EPHA2: variants seen among roughly 807,000 people sequenced by gnomAD.
The protein encoded by EPHA2 is ephrin type-A receptor 2.
EPHA2 carries 54 observed loss-of-function variants against 104.9 expected under a neutral mutation model. The ratio of observed to expected loss-of-function variants is 0.51; its 90% CI spans 0.41 to 0.65. The LOEUF (loss-of-function observed/expected upper bound fraction) is 0.65. EPHA2 is among the 30% of genes least tolerant of loss of function. The pLI, the probability that EPHA2 is intolerant of heterozygous loss-of-function variation, is 0.00. For missense variants in EPHA2, 1,117 were observed against 1,369.5 expected (o/e 0.82, Z 2.91); for synonymous variants, 560 against 559.1 (o/e 1.00, Z -0.02).
At chr1:16,139,057 C>T (rs1173832190) in intron 3 of EPHA2, among the ~76,000 whole-genome samples, 2 of 152,246 alleles carry the variant, frequency 1.3e-5, no homozygotes, top group Non-Finnish European at 2.9e-5. Flanking sequence ...TCTGGCTCTG[C>T]TTCCAGGACC....
chr1:16,126,770 T>G (rs1470061588), intron 16 of EPHA2, among the ~76,000 whole-genome samples: 1 of 152,142 alleles, frequency 6.6e-6, no homozygotes, highest in South Asian at 2.1e-4. Flanking sequence ...TGCATTTGGT[T>G]GAATCCCAGA....
intron 10 of EPHA2, 30 bp downstream of exon 10, chr1:16,133,451 C>A (rs1158677574): frequency 6.2e-7 from 1 of 1,614,096 alleles, no homozygotes. Context: ...GCTGCCTCCT[C>A]AGGGCCCCTT....
chr1:16,133,384 G>T lies in EPHA2; in HGVS notation c.1865-16C>A. On this transcript the variant is annotated splice_polypyrimidine_tract_variant and intron_variant, in intron 10 of 16. Coordinates refer to ENST00000358432, the MANE Select transcript of EPHA2 (RefSeq NM_004431.5). ...CCAAACTCTCCTGTGGGCAGACAGG[G>T]TCAGGGGAGTGCCCTGGTCAGCCCC... The T allele has an allele frequency of 6.2e-7, 1 of 1,613,822 alleles. No individual in the cohort carries two copies. The highest frequency in any genetic ancestry group is 8.5e-7 in the Non-Finnish European group (1 of 1,179,980).
In EPHA2 at chr1:16,133,163, C is replaced by G. The variant is rs371984373; in HGVS notation, c.2053+17G>C. 489 of 1,612,540 alleles carry G rather than the reference C, an allele frequency of 3.0e-4. No homozygotes were observed. The highest frequency in any genetic ancestry group is 3.8e-4 in the Admixed American group (23 of 59,976). On this transcript the variant is annotated intron_variant, in intron 11 of 16. Transcript: ENST00000358432. The stretch of plus-strand genomic sequence containing the variant: ...GTGGCCCCTCTCCACCCAGTGTGGG[C>G]AGGCCCCAAGCCTCACATTTGGAGA...
Position 16,134,042 on chromosome 1 carries a change from C to T in EPHA2, c.1683-127G>A. ...TGCTCAGAATGCGGCCCAGTCCCCGCTTTTGCTGCCCAAGCTCCACTCTCA... is the reference window on the plus strand; with the variant it reads ...TGCTCAGAATGCGGCCCAGTCCCCGTTTTTGCTGCCCAAGCTCCACTCTCA... On this transcript the variant is annotated intron_variant, in intron 8 of 16. Coordinates refer to ENST00000358432, the MANE Select transcript of EPHA2 (RefSeq NM_004431.5). The surrounding 1 kb of genome is among the most constrained non-coding windows in gnomAD (Gnocchi z 4.5). The T allele has an allele frequency of 1.1e-6, 1 of 923,430 alleles. No individual in the cohort carries two copies. The highest frequency in any genetic ancestry group is 1.7e-5 in the African/African-American group (1 of 60,116). The allele number at this position is 923,430 out of a possible 1,614,324, so 57.2% of individuals were successfully genotyped here.
At chr1:16,149,478 T>C (rs2024997527) in intron 2 of EPHA2, among the ~76,000 whole-genome samples, 1 of 152,320 alleles carries the variant, frequency 6.6e-6, no homozygotes, top group African/African-American at 2.4e-5. Context: ...AGTATGATTA[T>C]TGTTACTCTT....
At chr1:16,149,170 A>G in intron 2 of EPHA2, 123 bp from the exon 3 acceptor site, 1 of 1,079,452 alleles carries the variant, frequency 9.3e-7, no homozygotes, top group South Asian at 1.3e-5. Context: ...CGGTGAAGGA[A>G]ACTGAGGCCT....
intron 3 of EPHA2, among the ~76,000 whole-genome samples, chr1:16,141,757 C>T (rs550087779): frequency 2.0e-4 from 31 of 152,364 alleles, no homozygotes; most frequent in African/African-American, 6.0e-4. Context: ...CCCCAGCGCC[C>T]GGGGGTGGCC....
intron 9 of EPHA2, 77 bp downstream of exon 9, chr1:16,133,783 C>G: frequency 6.7e-7 from 1 of 1,496,384 alleles, no homozygotes; most frequent in South Asian, 1.3e-5. Flanking sequence ...TGGGAACACC[C>G]TGGCTGCCCC....
chr1:16,131,610 A>T lies in EPHA2; in HGVS notation c.2475+111T>A, dbSNP rs2024570584. The T allele has an allele frequency of 4.1e-6, 6 of 1,452,684 alleles. No homozygotes were observed. Among genetic ancestry groups the T allele is most frequent in the South Asian group, 1.2e-5 (1 of 80,994 alleles). The allele number at this position is 1,452,684 out of a possible 1,614,324, so 90.0% of individuals were successfully genotyped here. The stretch of plus-strand genomic sequence containing the variant: ...AAAAAAAAATAAACATTTATGGAGC[A>T]AGCCTAAGAAGGTTCATCTAAACTG... On this transcript the variant is annotated intron_variant, in intron 14 of 16. Transcript: ENST00000358432. This position sits in a 1 kb window ranked among gnomAD's most constrained non-coding sequence, Gnocchi z 5.2.
chr1:16,131,472 C>T lies in EPHA2; in HGVS notation c.2475+249G>A, dbSNP rs1039719995. ...GCGCATGCCTGTAATCCCAGCTACT[C>T]GGGAGGCTGAGGCAGGAGAATTGCT... On this transcript the variant is annotated intron_variant, in intron 14 of 16. Transcript: ENST00000358432. This position sits in a 1 kb window ranked among gnomAD's most constrained non-coding sequence, Gnocchi z 5.2. 1.3e-4 allele frequency among the ~76,000 whole-genome samples: 20 copies of T among 152,024 alleles called. No individual in the cohort carries two copies. Among genetic ancestry groups the T allele is most frequent in the Non-Finnish European group, 1.8e-4 (12 of 67,966 alleles).
intron 3 of EPHA2, among the ~76,000 whole-genome samples, chr1:16,144,781 T>C (rs765675582): frequency 1.1e-4 from 16 of 151,438 alleles, no homozygotes; most frequent in Non-Finnish European, 1.9e-4. Context: ...CAGGGGCAAC[T>C]GCCTTCCTGT....
intron 16 of EPHA2, among the ~76,000 whole-genome samples, chr1:16,127,040 T>C (rs575228569): frequency 2.0e-5 from 3 of 152,302 alleles, no homozygotes; most frequent in Admixed American, 6.5e-5. Context: ...TAGTGGTTAA[T>C]CTCACAGGAT....
At chr1:16,146,083 CTAGAGGTA>C (rs1056149124) in intron 3 of EPHA2, among the ~76,000 whole-genome samples, 1 of 152,158 alleles carries the variant, frequency 6.6e-6, no homozygotes, top group African/African-American at 2.4e-5. Flanking sequence ...TGAGAGAAGT[CTAGAGGTA>C]TAAAGAGGAG....
chr1:16,142,084 A>T (rs917406446), intron 3 of EPHA2, among the ~76,000 whole-genome samples: 10 of 152,180 alleles, frequency 6.6e-5, no homozygotes, highest in African/African-American at 2.4e-4. Context: ...ACACACCCAC[A>T]TACACCAGAT....
chr1:16,135,488 G>C lies in EPHA2; in HGVS notation c.1428+167C>G. The stretch of plus-strand genomic sequence containing the variant: ...GTCTTCTCTCGTACAAATCTCTGCT[G>C]TGCTGCCTTGGGAGATGTAACCCCC... On this transcript the variant is annotated intron_variant, in intron 6 of 16. Coordinates refer to ENST00000358432, the MANE Select transcript of EPHA2 (RefSeq NM_004431.5). This position sits in a 1 kb window ranked among gnomAD's most constrained non-coding sequence, Gnocchi z 4.3. The C allele has an allele frequency of 1.3e-6, 1 of 764,736 alleles. No individual in the cohort carries two copies. The highest frequency in any genetic ancestry group is 2.3e-6 in the Non-Finnish European group (1 of 440,914). The allele number at this position is 764,736 out of a possible 1,614,324, so 47.4% of individuals were successfully genotyped here. A position where few individuals can be genotyped will look rare whatever the true frequency, so the allele number is the denominator to read the frequency against.
rs776336059 is a variant in EPHA2, at chr1:16,137,847, C to G, written c.1312+6G>C. On this transcript the variant is annotated splice_donor_region_variant and intron_variant, in intron 5 of 16. Coordinates refer to ENST00000358432, the MANE Select transcript of EPHA2 (RefSeq NM_004431.5). ...ATAGGGCACAGCTGCCACCCCTGGA[C>G]CTCACCTGTCTGGTTGATGCTGACA... The G allele has an allele frequency of 6.2e-6, 10 of 1,613,568 alleles. No homozygotes were observed. Among genetic ancestry groups the G allele is most frequent in the South Asian group, 1.1e-5 (1 of 91,082 alleles).
chr1:16,154,917 C>T (rs1047496276), intron 1 of EPHA2, among the ~76,000 whole-genome samples: 1 of 152,084 alleles, frequency 6.6e-6, no homozygotes, highest in African/African-American at 2.4e-5. Flanking sequence ...GCTGGGTGGA[C>T]AGGAAGGTCT....
chr1:16,134,012 T>C lies in EPHA2; in HGVS notation c.1683-97A>G. ...GCCCTACTTTGGTCCTAGGAGGACC[T>C]GGGGTGCTCAGAATGCGGCCCAGTC... is the stretch of plus-strand genomic sequence containing the variant. On this transcript the variant is annotated intron_variant, in intron 8 of 16. Coordinates refer to ENST00000358432, the MANE Select transcript of EPHA2 (RefSeq NM_004431.5). This position sits in a 1 kb window ranked among gnomAD's most constrained non-coding sequence, Gnocchi z 4.5. 7.9e-7 allele frequency: 1 copy of C among 1,271,840 alleles called. No individual in the cohort carries two copies. Among genetic ancestry groups the C allele is most frequent in the Non-Finnish European group, 1.1e-6 (1 of 923,840 alleles). 78.8% of individuals were successfully genotyped at this position (1,271,840 alleles called of 1,614,324 possible).
Sources: gnomAD v4.1 joint callset for allele counts (sites outside exome capture counted in the v4.1 genomes callset) on GRCh38, gnomAD v4.1.1 for gene constraint, Gnocchi (gnomAD v3.1) non-coding constraint, MANE v1.5 for transcripts, NCBI Gene and HGNC (gene_info 2026-07-23, HGNC 2026-07-21) for gene names.